TMEM213: variants seen among roughly 807,000 people sequenced by gnomAD.
The protein encoded by TMEM213 is transmembrane protein 213.
A neutral mutation model predicts 11.6 loss-of-function variants in TMEM213; 7 were observed. That is an observed-to-expected ratio of 0.60 (90% CI 0.34 to 1.13). TMEM213 has a LOEUF of 1.13. Among genes scored for constraint, TMEM213 ranks in the 50% most tolerant of loss-of-function variants. The pLI is 0.03. For synonymous variants in TMEM213, 60 were observed against 58.3 expected, an observed-to-expected ratio of 1.03 and a Z score of -0.13; for missense variants, 129 against 139.0, an observed-to-expected ratio of 0.93 and a Z score of 0.36.
chr7:138,805,748 C>G lies in TMEM213; in HGVS notation c.*2679C>G, dbSNP rs1584966041. On this transcript the variant is annotated 3_prime_UTR_variant, in exon 3 of 3. Coordinates refer to ENST00000442682, the MANE Select transcript of TMEM213 (RefSeq NM_001085429.2). ...ATTGGACCAAATCAGCAGTTTCAAG[C>G]TGAGTTGCAAAAGTTCATGGAACCA... The G allele has an allele frequency of 6.6e-6, 1 of 152,296 alleles. No individual in the cohort carries two copies. The highest frequency in any genetic ancestry group is 1.9e-4 in the East Asian group (1 of 5,192). The allele number at this position is 152,296 out of a possible 1,614,324, so 9.4% of individuals were successfully genotyped here.
intron 2 of TMEM213, among the ~76,000 whole-genome samples, chr7:138,802,556 G>GAAAAA (rs11424575): frequency 2.8e-5 from 4 of 141,134 alleles, no homozygotes; most frequent in African/African-American, 1.1e-4. Flanking sequence ...GTCTCAAAAA[G>GAAAAA]AAAAAAAAAA....
intron 2 of TMEM213, 38 bp from the exon 3 acceptor site, chr7:138,802,862 G>A (rs753464792): frequency 1.3e-6 from 2 of 1,520,194 alleles, no homozygotes; most frequent in Admixed American, 2.2e-5. Flanking sequence ...CAGGGCTGGT[G>A]GTGCATGCCG....
At position 138,805,880 on chromosome 7, in the gene TMEM213, T is replaced by C. The variant is rs939565734; in HGVS notation, c.*2811T>C. 2 of 152,088 alleles carry C rather than the reference T, an allele frequency of 1.3e-5. No homozygotes were observed. Among genetic ancestry groups the C allele is most frequent in the African/African-American group, 4.8e-5 (2 of 41,366 alleles). 9.4% of individuals were successfully genotyped at this position (152,088 alleles called of 1,614,324 possible). A position where few individuals can be genotyped will look rare whatever the true frequency, so the allele number is the denominator to read the frequency against. ...ACCTTGTGGTAGGATTTTTTTTTTTTTCTGCTTTAATAAGTGAAGGGTCAG... is the reference window on the plus strand; with the variant it reads ...ACCTTGTGGTAGGATTTTTTTTTTTCTCTGCTTTAATAAGTGAAGGGTCAG... On this transcript the variant is annotated 3_prime_UTR_variant, in exon 3 of 3. Transcript: ENST00000442682.
Position 138,798,173 on chromosome 7 carries a change from G to T in TMEM213, c.69G>T (p.Ser23=). 6.3e-7 allele frequency: 1 copy of T among 1,594,794 alleles called. No homozygotes were observed. The highest frequency in any genetic ancestry group is 1.1e-5 in the South Asian group (1 of 87,612). The change falls in exon 1 of 3, where the codon TCG becomes TCT. Residue 23 remains serine, a synonymous_variant. Coordinates refer to ENST00000442682, the MANE Select transcript of TMEM213 (RefSeq NM_001085429.2). ...GCCTGGCCTTTGCCTCCCTCCACTCGGCTTGCTCGGCAGGTAGCGTTATGA... is the reference window on the plus strand; with the variant it reads ...GCCTGGCCTTTGCCTCCCTCCACTCTGCTTGCTCGGCAGGTAGCGTTATGA... The part of the protein sequence containing the change: ...ILSLAFASLH[S]ACSAEASSSN...
chr7:138,806,335 C>A lies in TMEM213; in HGVS notation c.*3266C>A, dbSNP rs1809100498. On this transcript the variant is annotated 3_prime_UTR_variant, in exon 3 of 3. Transcript: ENST00000442682. ...GACCAGCCTGGGCAACATGGCGAAA[C>A]CCCACCTCTACAAAAAAATACAAAA... 6.6e-6 allele frequency: 1 copy of A among 152,166 alleles called. No individual in the cohort carries two copies. The allele number at this position is 152,166 out of a possible 1,614,324, so 9.4% of individuals were successfully genotyped here.
At chr7:138,800,036 C>T (rs57984200) in intron 1 of TMEM213, among the ~76,000 whole-genome samples, 17,571 of 151,624 alleles carry the variant, frequency 0.12, 1,047 homozygotes, top group East Asian at 0.16. Flanking sequence ...AGAAGCAGAA[C>T]GAACAGCAAT....
chr7:138,800,704 CTTTT>C lies in TMEM213; in HGVS notation c.83-610_83-607del, dbSNP rs36090112. Reference sequence around the variant, plus strand: ...TCTTCTTCTTCTTCTTCTTCTTCTTCTTTTTTTTTTTTTTTTAGACGGAGTTTCA... The same window carrying C: ...TCTTCTTCTTCTTCTTCTTCTTCTTCTTTTTTTTTTTTAGACGGAGTTTCA... On this transcript the variant is annotated intron_variant, in intron 1 of 2. Transcript: ENST00000442682. Among the ~76,000 whole-genome samples the C allele has an allele frequency of 7.2e-4, 27 of 37,598 alleles. No individual in the cohort carries two copies. In the East Asian group the frequency reaches 1.0e-2, roughly 14 times the overall value. The allele number at this position is 37,598 out of a possible 152,430, so 24.7% of individuals were successfully genotyped here.
Position 138,798,130 on chromosome 7 carries a change from G to A in TMEM213, c.26G>A (p.Arg9Gln), listed in dbSNP as rs369472835. Residue 9 changes from arginine (R) to glutamine (Q), a missense_variant, in exon 1 of 3, where the codon CGG (arginine) becomes CAG (glutamine). By Grantham distance (43) the Arg-to-Gln change is conservative (BLOSUM62 1). Coordinates refer to ENST00000442682, the MANE Select transcript of TMEM213 (RefSeq NM_001085429.2). ...ATGCAGCGCCTCCCCGCTGCCACCC[G>A]GGCCACCCTGATCCTCAGCCTGGCC... is the stretch of plus-strand genomic sequence containing the variant. MQRLPAAT[R>Q]ATLILSLAFA... 3.3e-5 allele frequency: 53 copies of A among 1,601,386 alleles called. No homozygotes were observed. Among genetic ancestry groups the A allele is most frequent in the South Asian group, 3.3e-4 (29 of 88,416 alleles).
In TMEM213 at chr7:138,802,824, G is replaced by A. The variant is rs75838090; in HGVS notation, c.155-76G>A. 1,060 of 1,436,042 alleles carry A rather than the reference G, an allele frequency of 7.4e-4. 10 individuals are homozygous for A. The African/African-American group carries it at 0.014, about 20-fold the overall frequency. 89.0% of individuals were successfully genotyped at this position (1,436,042 alleles called of 1,614,324 possible). ...TCAGCTACCGTGCTGTGATTGTTCT[G>A]TTAATATTAATGGTAGAGAAGCCTG... On this transcript the variant is annotated intron_variant, in intron 2 of 2. Transcript: ENST00000442682.
chr7:138,800,881 T>G (rs1808919917), intron 1 of TMEM213, among the ~76,000 whole-genome samples: 1 of 152,006 alleles, frequency 6.6e-6, no homozygotes, highest in African/African-American at 2.4e-5. Flanking sequence ...GTATTTTTAG[T>G]AGAGACAGGG....
rs1809094590 is a variant in TMEM213 at position 138,805,990 on chromosome 7, T to C, written c.*2921T>C. On this transcript the variant is annotated 3_prime_UTR_variant, in exon 3 of 3. Coordinates refer to ENST00000442682, the MANE Select transcript of TMEM213 (RefSeq NM_001085429.2). ...ACTTTGAACTGAAGTATGTGCAGTC[T>C]GCCATCTCACATTAAAATGTAGGCA... 2.0e-5 allele frequency: 3 copies of C among 152,332 alleles called. No individual in the cohort carries two copies. In the South Asian group the frequency reaches 6.2e-4, roughly 32 times the overall value. 9.4% of individuals were successfully genotyped at this position (152,332 alleles called of 1,614,324 possible). A position where few individuals can be genotyped will look rare whatever the true frequency, so the allele number is the denominator to read the frequency against.
chr7:138,802,792 A>T (rs1808990285), intron 2 of TMEM213, 108 bp from the exon 3 acceptor site: 1 of 1,201,232 alleles, frequency 8.3e-7, no homozygotes, highest in African/African-American at 1.6e-5. Context: ...AGTAGGCCTC[A>T]TCAGTGTCAG....
chr7:138,798,102 A>G lies in TMEM213; in HGVS notation c.-3A>G. On this transcript the variant is annotated 5_prime_UTR_variant, in exon 1 of 3. Coordinates refer to ENST00000442682, the MANE Select transcript of TMEM213 (RefSeq NM_001085429.2). ...GCACCGGGCACTCAGCACAGCCTCC[A>G]GCATGCAGCGCCTCCCCGCTGCCAC... 6 of 1,595,900 alleles carry G rather than the reference A, an allele frequency of 3.8e-6. No homozygotes were observed. Among genetic ancestry groups the G allele is most frequent in the Non-Finnish European group, 5.1e-6 (6 of 1,171,914 alleles).
In TMEM213 at chr7:138,805,715, A is replaced by G. The variant is rs939937844; in HGVS notation, c.*2646A>G. On this transcript the variant is annotated 3_prime_UTR_variant, in exon 3 of 3. Coordinates refer to ENST00000442682, the MANE Select transcript of TMEM213 (RefSeq NM_001085429.2). ...TGAGCACCAATTTTACACGTGGAAAATAGAAGAATTGGACCAAATCAGCAG... is the reference window on the plus strand; with the variant it reads ...TGAGCACCAATTTTACACGTGGAAAGTAGAAGAATTGGACCAAATCAGCAG... The G allele has an allele frequency of 2.6e-5, 4 of 152,214 alleles. No individual in the cohort carries two copies. The highest frequency in any genetic ancestry group is 6.5e-5 in the Admixed American group (1 of 15,272). The allele number at this position is 152,214 out of a possible 1,614,324, so 9.4% of individuals were successfully genotyped here. A position where few individuals can be genotyped will look rare whatever the true frequency, so the allele number is the denominator to read the frequency against.
At chr7:138,800,835 G>A (rs972284162) in intron 1 of TMEM213, among the ~76,000 whole-genome samples, 4 of 151,980 alleles carry the variant, frequency 2.6e-5, no homozygotes, top group Non-Finnish European at 4.4e-5. Context: ...AAGTAGCTGG[G>A]ATTACAGGCA....
At chr7:138,802,400 C>A (rs2354376) in intron 2 of TMEM213, among the ~76,000 whole-genome samples, 86,652 of 151,342 alleles carry the variant, frequency 0.57, 25,265 homozygotes, top group East Asian at 0.71. Flanking sequence ...AAATACAAAA[C>A]ATTAGCTGGG....
At chr7:138,800,342 A>G (rs62486979) in intron 1 of TMEM213, among the ~76,000 whole-genome samples, 75,914 of 151,966 alleles carry the variant, frequency 0.5, 19,188 homozygotes, top group East Asian at 0.66. Context: ...CTCTCTTCTT[A>G]TTGTCAGTTA....
At chr7:138,799,798 C>G (rs199659976) in intron 1 of TMEM213, among the ~76,000 whole-genome samples, 1 of 152,128 alleles carries the variant, frequency 6.6e-6, no homozygotes, top group Non-Finnish European at 1.5e-5. Flanking sequence ...CAGATTGCAT[C>G]GAGGCAATTA....
At position 138,803,229 on chromosome 7, in the gene TMEM213, G is replaced by A. The variant is rs1809004980; in HGVS notation, c.*160G>A. 5 of 923,898 alleles carry A rather than the reference G, an allele frequency of 5.4e-6. No individual in the cohort carries two copies. The South Asian group carries it at 6.8e-5, about 13-fold the overall frequency. 57.2% of individuals were successfully genotyped at this position (923,898 alleles called of 1,614,324 possible). A position where few individuals can be genotyped will look rare whatever the true frequency, so the allele number is the denominator to read the frequency against. ...AGAAAGAGCGGGAGAACCAAATAAG[G>A]CAAGCCAGTGCTGCCCTTGCATGTC... On this transcript the variant is annotated 3_prime_UTR_variant, in exon 3 of 3. Transcript: ENST00000442682.
Sources: gnomAD v4.1 joint callset for allele counts (sites outside exome capture counted in the v4.1 genomes callset) on GRCh38, gnomAD v4.1.1 for gene constraint, MANE v1.5 for transcripts, NCBI Gene and HGNC (gene_info 2026-07-23, HGNC 2026-07-21) for gene names.